The following KCNMA1 variants were observed in gnomAD, a reference collection of about 807,000 sequenced individuals.
KCNMA1 encodes potassium calcium-activated channel subfamily M alpha 1.
KCNMA1 carries 29 observed loss-of-function variants against 140.0 expected under a neutral mutation model. That is an observed-to-expected ratio of 0.21 (90% CI 0.15 to 0.28). KCNMA1 has a LOEUF of 0.28. KCNMA1 is among the 10% of genes least tolerant of loss of function. The probability of loss-of-function intolerance (pLI) is 1.00; values close to 1 mark genes in which losing one functional copy is unlikely to be tolerated. For missense variants in KCNMA1, 880 were observed against 1,602.2 expected, an observed-to-expected ratio of 0.55 and a Z score of 7.70; for synonymous variants, 612 against 611.9, an observed-to-expected ratio of 1.00 and a Z score of 0.00.
At chr10:77,208,511 G>A (rs1470131773) in intron 3 of KCNMA1, among the ~76,000 whole-genome samples, 2 of 151,326 alleles carry the variant, frequency 1.3e-5, no homozygotes, top group Non-Finnish European at 2.9e-5. Flanking sequence ...TAAATAAAAC[G>A]TTTTAAAAAC....
chr10:77,326,955 C>T (rs1041807054), intron 2 of KCNMA1, among the ~76,000 whole-genome samples: 2 of 152,118 alleles, frequency 1.3e-5, no homozygotes, highest in African/African-American at 4.8e-5. Flanking sequence ...GGTCATCCCT[C>T]CCCAGTATAC....
At chr10:77,079,587 C>A in intron 12 of KCNMA1, 37 bp from the exon 13 acceptor site, 1 of 1,373,480 alleles carries the variant, frequency 7.3e-7, no homozygotes, top group Non-Finnish European at 1.0e-6. Context: ...ACAGGTCTGC[C>A]TTATGCATGG....
intron 2 of KCNMA1, among the ~76,000 whole-genome samples, chr10:77,288,898 T>G (rs2072073043): frequency 6.6e-6 from 1 of 152,128 alleles, no homozygotes; most frequent in Non-Finnish European, 1.5e-5. Flanking sequence ...GTGAACACCA[T>G]CCACAAGGCC....
intron 1 of KCNMA1, among the ~76,000 whole-genome samples, chr10:77,518,013 GC>G (rs1382231580): frequency 6.6e-6 from 1 of 152,174 alleles, no homozygotes. Flanking sequence ...CCAGCAGCCA[GC>G]CTCGTTCCCT....
At chr10:77,492,848 T>G (rs1287575006) in intron 1 of KCNMA1, among the ~76,000 whole-genome samples, 2 of 152,250 alleles carry the variant, frequency 1.3e-5, no homozygotes, top group Non-Finnish European at 1.5e-5. Flanking sequence ...TAAGGTAAGA[T>G]GTATTAGTGC....
At chr10:77,185,438 C>T (rs1010650825) in intron 3 of KCNMA1, among the ~76,000 whole-genome samples, 2 of 152,132 alleles carry the variant, frequency 1.3e-5, no homozygotes, top group Admixed American at 1.3e-4. Flanking sequence ...GACCCAGGAG[C>T]ATCTCAAGAA....
At chr10:77,535,016 C>G (rs935435905) in intron 1 of KCNMA1, among the ~76,000 whole-genome samples, 1 of 152,170 alleles carries the variant, frequency 6.6e-6, no homozygotes, top group Non-Finnish European at 1.5e-5. Context: ...ACAACCACAC[C>G]TACAAACTAC....
intron 2 of KCNMA1, among the ~76,000 whole-genome samples, chr10:77,269,172 T>C: frequency 6.6e-6 from 1 of 152,206 alleles, no homozygotes; most frequent in East Asian, 1.9e-4. Context: ...GCCTGAAATT[T>C]CACCATTAGA....
At chr10:76,936,880 G>A (rs991252372) in intron 23 of KCNMA1, among the ~76,000 whole-genome samples, 4 of 152,162 alleles carry the variant, frequency 2.6e-5, no homozygotes, top group East Asian at 1.9e-4. Context: ...AGACAGTGCC[G>A]TTCAGGAAGG....
chr10:77,298,534 G>A (rs1447898250), intron 2 of KCNMA1, among the ~76,000 whole-genome samples: 1 of 152,050 alleles, frequency 6.6e-6, no homozygotes. Flanking sequence ...GAGCCACCGT[G>A]CCCAAACTTG....
chr10:77,242,363 G>A (rs1357017572), intron 3 of KCNMA1, among the ~76,000 whole-genome samples: 2 of 152,158 alleles, frequency 1.3e-5, no homozygotes, highest in African/African-American at 4.8e-5. Context: ...AGCGTATACT[G>A]AAAATCACAA....
intron 2 of KCNMA1, among the ~76,000 whole-genome samples, chr10:77,358,218 C>G (rs948050690): frequency 6.6e-6 from 1 of 152,128 alleles, no homozygotes; most frequent in African/African-American, 2.4e-5. Flanking sequence ...TCCGGCTGTT[C>G]TCCAACATCC....
At chr10:76,903,342 G>A (rs545055825) in intron 25 of KCNMA1, 12 of 152,252 alleles carry the variant, frequency 7.9e-5, no homozygotes, top group African/African-American at 9.6e-5. Context: ...TCTGCCTTTC[G>A]TTTATAATTG....
chr10:77,522,312 A>G (rs1190499013), intron 1 of KCNMA1, among the ~76,000 whole-genome samples: 1 of 152,034 alleles, frequency 6.6e-6, no homozygotes, highest in African/African-American at 2.4e-5. Context: ...GGGTCCTGCA[A>G]TGGGGCCTGA....
intron 9 of KCNMA1, chr10:77,091,010 G>A (rs2096800750): frequency 5.4e-6 from 1 of 186,712 alleles, no homozygotes. Flanking sequence ...GGTGGCTAAT[G>A]TGCGGCCTGA....
At chr10:77,295,563 T>C (rs1220536631) in intron 2 of KCNMA1, among the ~76,000 whole-genome samples, 1 of 150,424 alleles carries the variant, frequency 6.6e-6, no homozygotes, top group African/African-American at 2.4e-5. Context: ...GGGTGGATCA[T>C]GAGGTCAGGA....
intron 2 of KCNMA1, among the ~76,000 whole-genome samples, chr10:77,353,939 C>A (rs758177564): frequency 1.2e-3 from 148 of 119,960 alleles, no homozygotes; most frequent in Non-Finnish European, 1.7e-3. Context: ...GGCCTGTTTT[C>A]TTCAACCCCA....
chr10:77,344,687 T>C (rs867520441), intron 2 of KCNMA1, among the ~76,000 whole-genome samples: 5 of 152,170 alleles, frequency 3.3e-5, no homozygotes, highest in Non-Finnish European at 7.3e-5. Flanking sequence ...TAGTCCTCTC[T>C]ATCATTGGAC....
intron 4 of KCNMA1, among the ~76,000 whole-genome samples, chr10:77,184,278 G>C (rs564664738): frequency 1.0e-3 from 155 of 152,264 alleles, no homozygotes; most frequent in Non-Finnish European, 1.7e-3. Flanking sequence ...GGAGTGCAGT[G>C]GCGTGATTTC....
Sources: gnomAD v4.1 joint callset for allele counts (sites outside exome capture counted in the v4.1 genomes callset) on GRCh38, gnomAD v4.1.1 for gene constraint, MANE v1.5 for transcripts, NCBI Gene and HGNC (gene_info 2026-07-23, HGNC 2026-07-21) for gene names.